Variants in PRKCE observed in about 807,000 individuals in gnomAD.
PRKCE encodes the protein protein kinase C epsilon.
PRKCE carries 16 observed loss-of-function variants against 85.4 expected under a neutral mutation model. The observed-to-expected ratio is 0.19, with a 90% CI of 0.13 to 0.28. PRKCE has a LOEUF of 0.28. Among genes scored for constraint, PRKCE ranks in the 10% least tolerant of loss-of-function variants. The pLI is 1.00. For synonymous variants in PRKCE, 388 were observed against 371.5 expected (o/e 1.04, Z -0.51); for missense variants, 573 against 975.2 (o/e 0.59, Z 5.49).
At chr2:45,913,776 G>A (rs937398488) in intron 2 of PRKCE, among the ~76,000 whole-genome samples, 12 of 152,338 alleles carry the variant, frequency 7.9e-5, no homozygotes, top group Non-Finnish European at 1.8e-4. Context: ...CTGCCATCCA[G>A]GTGTCTAGTG....
intron 11 of PRKCE, among the ~76,000 whole-genome samples, chr2:46,102,475 C>T (rs1671335802): frequency 6.6e-6 from 1 of 152,194 alleles, no homozygotes; most frequent in Non-Finnish European, 1.5e-5. Flanking sequence ...ACACCCTACA[C>T]CAGGTTCCCC....
chr2:45,832,743 T>C (rs182270597), intron 1 of PRKCE, among the ~76,000 whole-genome samples: 243 of 152,300 alleles, frequency 1.6e-3, no homozygotes, highest in African/African-American at 5.7e-3. Context: ...ATTGGAAGCA[T>C]TGGGTCTCCA....
At chr2:46,056,834 A>T (rs2105095854) in intron 10 of PRKCE, among the ~76,000 whole-genome samples, 1 of 152,300 alleles carries the variant, frequency 6.6e-6, no homozygotes, top group East Asian at 1.9e-4. Flanking sequence ...TAATGAGAAA[A>T]TTCAAGTATA....
chr2:45,929,029 C>G (rs1698841842), intron 2 of PRKCE, among the ~76,000 whole-genome samples: 1 of 152,138 alleles, frequency 6.6e-6, no homozygotes, highest in African/African-American at 2.4e-5. Flanking sequence ...TTTCTTCTTT[C>G]CCCTTTTAGA....
rs997783934 is a variant in PRKCE, at chr2:46,155,235, G to A, written c.1920+4006G>A. On this transcript the variant is annotated intron_variant, in intron 13 of 14. Coordinates refer to ENST00000306156, the MANE Select transcript of PRKCE (RefSeq NM_005400.3). This position sits in a 1 kb window ranked among gnomAD's most constrained non-coding sequence, Gnocchi z 4.7. Reference sequence around the variant, plus strand: ...TCGAAACATTAAATGATTATAACTAGTTCAATTAAATGATTACAACTAGTT... The same window carrying A: ...TCGAAACATTAAATGATTATAACTAATTCAATTAAATGATTACAACTAGTT... 2.0e-5 allele frequency among the ~76,000 whole-genome samples: 3 copies of A among 152,142 alleles called. No individual in the cohort carries two copies. Among genetic ancestry groups the A allele is most frequent in the African/African-American group, 7.2e-5 (3 of 41,414 alleles).
intron 10 of PRKCE, among the ~76,000 whole-genome samples, chr2:46,046,585 G>A (rs1021414714): frequency 1.3e-5 from 2 of 152,206 alleles, no homozygotes; most frequent in Non-Finnish European, 2.9e-5. Context: ...TAAGCATGTG[G>A]CATTTTTCTA....
chr2:45,768,313 A>C (rs1352289610), intron 1 of PRKCE, among the ~76,000 whole-genome samples: 1 of 152,248 alleles, frequency 6.6e-6, no homozygotes, highest in Non-Finnish European at 1.5e-5. Context: ...CCTGGCTCTA[A>C]TTATCTACAG....
intron 10 of PRKCE, 195 bp downstream of exon 10, chr2:46,010,712 C>T (rs761989876): frequency 1.3e-6 from 2 of 1,598,420 alleles, no homozygotes; most frequent in South Asian, 1.1e-5. Flanking sequence ...CAAGGTTGTG[C>T]TTGTGAAGGG....
chr2:45,718,547 T>G (rs1417735865), intron 1 of PRKCE, among the ~76,000 whole-genome samples: 1 of 152,066 alleles, frequency 6.6e-6, no homozygotes, highest in African/African-American at 2.4e-5. Context: ...TCTCACCATG[T>G]TGGCCAGGAT....
In PRKCE at chr2:46,080,160, T is replaced by C. The variant is rs565783399; in HGVS notation, c.1438-6048T>C. Among the ~76,000 whole-genome samples, 20 of 152,346 alleles carry C rather than the reference T, an allele frequency of 1.3e-4. No homozygotes were observed. In the South Asian group the frequency reaches 4.1e-3, roughly 32 times the overall value. On this transcript the variant is annotated intron_variant, in intron 10 of 14. Transcript: ENST00000306156. ...ATGAGTAGCTGCTGGGTTTGCCAGC[T>C]TTCTTTTGATTTCATTTACGTAATT...
In PRKCE at chr2:46,159,298, T is replaced by C. The variant is rs1183015291; in HGVS notation, c.1921-308T>C. On this transcript the variant is annotated intron_variant, in intron 13 of 14. Coordinates refer to ENST00000306156, the MANE Select transcript of PRKCE (RefSeq NM_005400.3). The surrounding 1 kb of genome is among the most constrained non-coding windows in gnomAD (Gnocchi z 4.1). ...TGGTCCCTTACTAGCTGGGTGACTT[T>C]GGCCAAATTAGCTGACCTCTGTGTG... Among the ~76,000 whole-genome samples the C allele has an allele frequency of 1.3e-5, 2 of 152,198 alleles. No homozygotes were observed. Among genetic ancestry groups the C allele is most frequent in the African/African-American group, 2.4e-5 (1 of 41,452 alleles).
At chr2:45,750,508 G>A (rs1683473591) in intron 1 of PRKCE, among the ~76,000 whole-genome samples, 1 of 152,208 alleles carries the variant, frequency 6.6e-6, no homozygotes. Flanking sequence ...CCCAAGGTGG[G>A]TATTGGTTTG....
At chr2:45,994,007 G>T (rs552610999) in intron 6 of PRKCE, among the ~76,000 whole-genome samples, 95 of 152,130 alleles carry the variant, frequency 6.2e-4, no homozygotes, top group African/African-American at 2.2e-3. Context: ...TGTCCAGGCT[G>T]GTCTGGGGGG....
chr2:45,762,648 C>A (rs534837388), intron 1 of PRKCE, among the ~76,000 whole-genome samples: 1 of 152,352 alleles, frequency 6.6e-6, no homozygotes, highest in East Asian at 1.9e-4. Context: ...CCCAGACCAG[C>A]ACATCTAGAG....
At chr2:45,661,020 A>G (rs1331548063) in intron 1 of PRKCE, among the ~76,000 whole-genome samples, 13 of 152,192 alleles carry the variant, frequency 8.5e-5, no homozygotes. Context: ...TGCTGAAATG[A>G]GGATCTCCTC....
At chr2:45,945,871 A>C (rs1413556600) in intron 2 of PRKCE, among the ~76,000 whole-genome samples, 1 of 152,226 alleles carries the variant, frequency 6.6e-6, no homozygotes, top group Non-Finnish European at 1.5e-5. Flanking sequence ...GGGGAAGACC[A>C]TTTGAAGGAC....
At chr2:45,940,641 C>G (rs1307263019) in intron 2 of PRKCE, among the ~76,000 whole-genome samples, 1 of 152,082 alleles carries the variant, frequency 6.6e-6, no homozygotes, top group African/African-American at 2.4e-5. Context: ...ACAGCGCACA[C>G]TCTTGCGCTC....
At chr2:46,150,219 A>G (rs1379287860) in intron 12 of PRKCE, among the ~76,000 whole-genome samples, 2 of 152,220 alleles carry the variant, frequency 1.3e-5, no homozygotes, top group African/African-American at 4.8e-5. Context: ...TTGACTCTAC[A>G]TATTTGGCTA....
intron 1 of PRKCE, among the ~76,000 whole-genome samples, chr2:45,656,552 G>A (rs1338289946): frequency 6.6e-6 from 1 of 152,200 alleles, no homozygotes; most frequent in African/African-American, 2.4e-5. Flanking sequence ...CTATAGCTGG[G>A]TTTTCCAAGA....
Sources: allele counts gnomAD v4.1 joint callset (sites outside exome capture counted in the v4.1 genomes callset), GRCh38; gene constraint gnomAD v4.1.1; non-coding constraint Gnocchi (gnomAD v3.1); transcripts MANE v1.5; gene names NCBI Gene and HGNC (gene_info 2026-07-23, HGNC 2026-07-21).